TMEM150B: variants seen among roughly 807,000 people sequenced by gnomAD.
The protein encoded by TMEM150B is transmembrane protein 150B.
A neutral mutation model predicts 25.2 loss-of-function variants in TMEM150B; 33 were observed. That is an observed-to-expected ratio of 1.31 (90% confidence interval 0.99 to 1.75). The LOEUF is 1.75. TMEM150B is among the 40% of genes most tolerant of loss of function. The pLI is 0.00. For missense variants in TMEM150B, 322 were observed against 306.1 expected, an observed-to-expected ratio of 1.05 and a Z score of -0.39; for synonymous variants, 133 against 134.8, an observed-to-expected ratio of 0.99 and a Z score of 0.09.
chr19:55,309,702 T>C (rs1467637618), downstream of TMEM150B, among the ~76,000 whole-genome samples: 1 of 152,168 alleles, frequency 6.6e-6, no homozygotes, highest in Non-Finnish European at 1.5e-5. Context: ...CACCTTGGGA[T>C]TGGGTTTCAG....
rs756057005 is a variant in TMEM150B, at chr19:55,320,135, C to T, written c.228G>A (p.Gln76=). 3 of 1,614,150 alleles carry T rather than the reference C, an allele frequency of 1.9e-6. No individual in the cohort carries two copies. In the East Asian group the frequency reaches 6.7e-5, roughly 36 times the overall value. ...ACCTTCTGACGCCCCAGTCCCGGAGCTGGTGGTAACGGACAATGCAGATCC... is the reference window on the plus strand; with the variant it reads ...ACCTTCTGACGCCCCAGTCCCGGAGTTGGTGGTAACGGACAATGCAGATCC... ...AAWICIVRYH[Q]LRDWGVRRWP... Residue 76 remains glutamine, a synonymous_variant, in exon 6 of 8, where the codon CAG becomes CAA. Coordinates refer to ENST00000326652, the MANE Select transcript of TMEM150B (RefSeq NM_001282011.2).
At chr19:55,310,971 GT>G (rs929335675), downstream of TMEM150B, among the ~76,000 whole-genome samples, 9 of 151,986 alleles carry the variant, frequency 5.9e-5, no homozygotes, top group African/African-American at 2.2e-4. This position sits in a 1 kb window ranked among gnomAD's most constrained non-coding sequence, Gnocchi z 5.0. Flanking sequence ...TTTTGTTTTT[GT>G]TTTTTTGAGA....
intron 7 of TMEM150B, among the ~76,000 whole-genome samples, chr19:55,314,645 C>A (rs1472480956): frequency 6.6e-6 from 1 of 151,938 alleles, no homozygotes; most frequent in Non-Finnish European, 1.5e-5. Flanking sequence ...GAATGAAGGC[C>A]CCTGTGGCTA....
chr19:55,317,104 A>G lies in TMEM150B; in HGVS notation c.325-138T>C, dbSNP rs942536258. The G allele has an allele frequency of 5.6e-6, 4 of 708,352 alleles. No individual in the cohort carries two copies. In the Admixed American group the frequency reaches 1.5e-4, roughly 26 times the overall value. The allele number at this position is 708,352 out of a possible 1,614,324, so 43.9% of individuals were successfully genotyped here. Reference sequence around the variant, plus strand: ...ACCCAGTGATGGGCTTATTAAGCACATCAGCTATTGTCAGCTCCACGAGAG... The same window carrying G: ...ACCCAGTGATGGGCTTATTAAGCACGTCAGCTATTGTCAGCTCCACGAGAG... On this transcript the variant is annotated intron_variant, in intron 6 of 7. Transcript: ENST00000326652.
intron 6 of TMEM150B, among the ~76,000 whole-genome samples, chr19:55,318,030 A>G (rs1349557314): frequency 1.3e-5 from 2 of 152,136 alleles, no homozygotes; most frequent in African/African-American, 4.8e-5. Flanking sequence ...CCAGGGGGAA[A>G]TGTCTAAAAA....
At chr19:55,322,972 G>A (rs548339547) in intron 1 of TMEM150B, among the ~76,000 whole-genome samples, 149 of 152,166 alleles carry the variant, frequency 9.8e-4, no homozygotes, top group African/African-American at 3.5e-3. Context: ...CACCCTTGGG[G>A]ACCCAGGAGT....
At chr19:55,312,523 C>T (rs1238362883), downstream of TMEM150B, 1 of 171,678 alleles carries the variant, frequency 5.8e-6, no homozygotes, top group Non-Finnish European at 1.1e-5. Flanking sequence ...GTCTCTGATT[C>T]CGCCGGCGGC....
chr19:55,310,821 GGGGTCT>G (rs1156453787), downstream of TMEM150B, among the ~76,000 whole-genome samples: 1 of 152,128 alleles, frequency 6.6e-6, no homozygotes, highest in Admixed American at 6.6e-5. The surrounding 1 kb of genome is among the most constrained non-coding windows in gnomAD (Gnocchi z 5.0). Context: ...TCAGCAACCA[GGGGTCT>G]CAAAACGGGC....
intron 3 of TMEM150B, 30 bp from the exon 4 acceptor site, chr19:55,320,647 C>A (rs199996070): frequency 3.8e-6 from 6 of 1,598,668 alleles, no homozygotes; most frequent in Non-Finnish European, 5.1e-6. Flanking sequence ...GAGTGGGCGA[C>A]TCTCACCAAC....
intron 6 of TMEM150B, chr19:55,319,326 T>A (rs1163620409): frequency 6.6e-6 from 1 of 151,710 alleles, no homozygotes; most frequent in East Asian, 1.9e-4. Context: ...TTGGCCAGGC[T>A]GGTCTCCAAC....
At chr19:55,322,509 T>A in intron 2 of TMEM150B, 139 bp downstream of exon 2, 1 of 240,736 alleles carries the variant, frequency 4.2e-6, no homozygotes, top group Non-Finnish European at 6.7e-6. Context: ...CGGCCAGCTG[T>A]CCTCCACTCC....
Position 55,322,779 on chromosome 19 carries a change from G to C in TMEM150B, c.-153-36C>G, listed in dbSNP as rs141064652. The C allele has an allele frequency of 6.8e-4, 653 of 964,760 alleles. 4 individuals are homozygous for C. The African/African-American group carries it at 9.0e-3, about 13-fold the overall frequency. The allele number at this position is 964,760 out of a possible 1,614,324, so 59.8% of individuals were successfully genotyped here. ...AAAGTCCAGGCTGCAGGACTGCCTG[G>C]GTCCTTTGGTCTGACTGCCACTTCC... is the stretch of plus-strand genomic sequence containing the variant. On this transcript the variant is annotated intron_variant, in intron 1 of 7. Coordinates refer to ENST00000326652, the MANE Select transcript of TMEM150B (RefSeq NM_001282011.2).
At chr19:55,317,809 C>T (rs1229878366) in intron 6 of TMEM150B, among the ~76,000 whole-genome samples, 4 of 150,614 alleles carry the variant, frequency 2.7e-5, no homozygotes, top group East Asian at 1.9e-4. Flanking sequence ...AAATATTAGC[C>T]GGTCATGGTG....
At chr19:55,310,853 T>C (rs550374527), downstream of TMEM150B, among the ~76,000 whole-genome samples, 167 of 152,164 alleles carry the variant, frequency 1.1e-3, no homozygotes, top group African/African-American at 3.8e-3. The surrounding 1 kb of genome is among the most constrained non-coding windows in gnomAD (Gnocchi z 5.0). Context: ...CTGGAAGATG[T>C]AGGACTAACA....
downstream of TMEM150B, chr19:55,312,732 C>T (rs1032947314): frequency 9.2e-7 from 1 of 1,087,206 alleles, no homozygotes; most frequent in African/African-American, 1.6e-5. Flanking sequence ...GGCTCCAGGT[C>T]AGTCAGCGGC....
At chr19:55,310,889 T>G (rs1186627433), downstream of TMEM150B, among the ~76,000 whole-genome samples, 1 of 152,074 alleles carries the variant, frequency 6.6e-6, no homozygotes, top group African/African-American at 2.4e-5. The surrounding 1 kb of genome is among the most constrained non-coding windows in gnomAD (Gnocchi z 5.0). Flanking sequence ...TCAGCCACCA[T>G]CTCATAAAGG....
At position 55,320,385 on chromosome 19, in the gene TMEM150B, A is replaced by G. The variant is rs2089166359; in HGVS notation, c.196+6T>C. On this transcript the variant is annotated splice_donor_region_variant and intron_variant, in intron 5 of 7. Coordinates refer to ENST00000326652, the MANE Select transcript of TMEM150B (RefSeq NM_001282011.2). ...GCACTGAACCAAAGGGCTGGGCAAT[A>G]TTTACCCAGAGCAGCTCCCATATTG... The G allele has an allele frequency of 1.3e-6, 2 of 1,538,664 alleles. No homozygotes were observed. Among genetic ancestry groups the G allele is most frequent in the African/African-American group, 1.4e-5 (1 of 72,606 alleles).
intron 7 of TMEM150B, among the ~76,000 whole-genome samples, chr19:55,316,099 CAT>C (rs751932918): frequency 3.3e-5 from 5 of 152,134 alleles, no homozygotes; most frequent in Admixed American, 2.0e-4. Context: ...AGTCAAGCCT[CAT>C]GTGGTGTGCT....
chr19:55,319,938 A>C (rs751460238), intron 6 of TMEM150B, 101 bp downstream of exon 6: 1 of 1,555,510 alleles, frequency 6.4e-7, no homozygotes, highest in East Asian at 2.3e-5. Context: ...GCCGGGCGGG[A>C]ACCAGCCCCC....
Sources: allele counts gnomAD v4.1 joint callset (sites outside exome capture counted in the v4.1 genomes callset), GRCh38; gene constraint gnomAD v4.1.1; non-coding constraint Gnocchi (gnomAD v3.1); transcripts MANE v1.5; gene names NCBI Gene and HGNC (gene_info 2026-07-23, HGNC 2026-07-21).